The following ITGA11 variants were observed in gnomAD, a reference collection of about 807,000 sequenced individuals.
ITGA11 encodes integrin alpha-11.
A neutral mutation model predicts 141.9 loss-of-function variants in ITGA11; 97 were observed. The ratio of observed to expected loss-of-function variants is 0.68; its 90% CI spans 0.58 to 0.81. The LOEUF is 0.81. ITGA11 is among the 30% of genes least tolerant of loss of function. ITGA11 has a pLI of 0.00. For missense variants in ITGA11, 1,387 were observed against 1,559.2 expected, an observed-to-expected ratio of 0.89 and a Z score of 1.86; for synonymous variants, 658 against 624.6, an observed-to-expected ratio of 1.05 and a Z score of -0.80.
intron 2 of ITGA11, among the ~76,000 whole-genome samples, chr15:68,401,742 G>A (rs1437017584): frequency 1.3e-5 from 2 of 152,126 alleles, no homozygotes; most frequent in African/African-American, 4.8e-5. Flanking sequence ...AGCTGGAAAT[G>A]GTGGATATAT....
intron 10 of ITGA11, chr15:68,340,960 T>C (rs927724427): frequency 6.6e-6 from 1 of 152,158 alleles, no homozygotes; most frequent in African/African-American, 2.4e-5. Flanking sequence ...GCTTTGGGCT[T>C]TCAAAACACA....
intron 11 of ITGA11, among the ~76,000 whole-genome samples, chr15:68,337,350 G>A (rs938520134): frequency 2.0e-5 from 3 of 152,102 alleles, no homozygotes; most frequent in Admixed American, 6.5e-5. Flanking sequence ...GAAAGGGTAG[G>A]ACCATGGCCC....
intron 1 of ITGA11, among the ~76,000 whole-genome samples, chr15:68,419,884 T>C (rs1206612505): frequency 2.6e-5 from 4 of 152,200 alleles, no homozygotes; most frequent in Non-Finnish European, 5.9e-5. Context: ...CTAAGTTACT[T>C]AACTTCTATG....
Position 68,407,374 on chromosome 15 carries a change from C to T in ITGA11, c.53-4345G>A, listed in dbSNP as rs901085081. Among the ~76,000 whole-genome samples the T allele has an allele frequency of 3.1e-4, 47 of 152,310 alleles. 1 individual carries two copies. The highest frequency in any genetic ancestry group is 1.9e-3 in the Admixed American group (29 of 15,304). On this transcript the variant is annotated intron_variant, in intron 1 of 29. Transcript: ENST00000315757. ...AGTTGGCGTTTGCTTCTGACCAAACCGAACCAACCAGAGAGTGGATTTCCT... is the reference window on the plus strand; with the variant it reads ...AGTTGGCGTTTGCTTCTGACCAAACTGAACCAACCAGAGAGTGGATTTCCT...
At chr15:68,353,105 C>A (rs1894965065) in intron 7 of ITGA11, among the ~76,000 whole-genome samples, 1 of 152,242 alleles carries the variant, frequency 6.6e-6, no homozygotes, top group Non-Finnish European at 1.5e-5. Context: ...GGTTAAAGAG[C>A]CACACGGCTT....
intron 10 of ITGA11, among the ~76,000 whole-genome samples, chr15:68,342,626 C>A (rs1489221713): frequency 6.6e-6 from 1 of 152,202 alleles, no homozygotes; most frequent in Non-Finnish European, 1.5e-5. Flanking sequence ...CTCTCAAAGC[C>A]CTGTGTTCCG....
At chr15:68,426,486 G>A (rs1186325288) in intron 1 of ITGA11, among the ~76,000 whole-genome samples, 2 of 152,242 alleles carry the variant, frequency 1.3e-5, no homozygotes, top group South Asian at 2.1e-4. Flanking sequence ...AGGGAGAGAC[G>A]TTCTCACATA....
intron 1 of ITGA11, among the ~76,000 whole-genome samples, chr15:68,416,153 G>A (rs1440716695): frequency 6.6e-6 from 1 of 152,216 alleles, no homozygotes; most frequent in Admixed American, 6.5e-5. Flanking sequence ...TTGTATGGTA[G>A]ATAAACTAAT....
At chr15:68,427,477 C>T (rs955974186) in intron 1 of ITGA11, among the ~76,000 whole-genome samples, 4 of 151,982 alleles carry the variant, frequency 2.6e-5, no homozygotes, top group African/African-American at 4.8e-5. Context: ...ATGCACATGC[C>T]AATTATTTCT....
In ITGA11 at chr15:68,322,403, G is replaced by A. The variant is rs1275267942; in HGVS notation, c.2323-900C>T. Among the ~76,000 whole-genome samples, 5 of 152,110 alleles carry A rather than the reference G, an allele frequency of 3.3e-5. No homozygotes were observed. Among genetic ancestry groups the A allele is most frequent in the African/African-American group, 4.8e-5 (2 of 41,412 alleles). On this transcript the variant is annotated intron_variant, in intron 18 of 29. Coordinates refer to ENST00000315757, the MANE Select transcript of ITGA11 (RefSeq NM_001004439.2). This position sits in a 1 kb window ranked among gnomAD's most constrained non-coding sequence, Gnocchi z 5.6. ...CCACAACATTCGGGCAAGAGATGAC[G>A]CTGGTGTCGGTGTGGTAGTGGGCAT...
At position 68,302,055 on chromosome 15, in the gene ITGA11, AGTGTGTGTGTGTGTGTGT is replaced by A. The variant is rs3084584; in HGVS notation, c.*986_*1003del. ...CGGGCATGAGGGAAGGATGGGAGGC[AGTGTGTGTGTGTGTGTGT>A]GTGTGTGTGTGTGTGTGTGTGTGTG... On this transcript the variant is annotated 3_prime_UTR_variant, in exon 30 of 30. Coordinates refer to ENST00000315757, the MANE Select transcript of ITGA11 (RefSeq NM_001004439.2). 467 of 103,876 alleles carry A rather than the reference AGTGTGTGTGTGTGTGTGT, an allele frequency of 4.5e-3. 2 individuals are homozygous for A. The highest frequency in any genetic ancestry group is 0.013 in the South Asian group (25 of 1,940). 6.4% of individuals were successfully genotyped at this position (103,876 alleles called of 1,614,324 possible). A position where few individuals can be genotyped will look rare whatever the true frequency, so the allele number is the denominator to read the frequency against.
chr15:68,368,375 C>T (rs1436749094), intron 3 of ITGA11, among the ~76,000 whole-genome samples: 1 of 152,258 alleles, frequency 6.6e-6, no homozygotes, highest in Non-Finnish European at 1.5e-5. Context: ...GACCCAGCTG[C>T]TGTCTGACCT....
intron 23 of ITGA11, 148 bp from the exon 24 acceptor site, chr15:68,313,011 G>T: frequency 1.6e-6 from 1 of 615,596 alleles, no homozygotes; most frequent in South Asian, 1.9e-5. Context: ...TGAGTGTCAT[G>T]TTGGAAGGAT....
At position 68,332,060 on chromosome 15, in the gene ITGA11, GTT is replaced by G; in HGVS notation, c.1567_1568del (p.Asn523ProfsTer5). On this transcript the variant is annotated frameshift_variant and splice_region_variant, in exon 14 of 30. Transcript: ENST00000315757. LOFTEE classifies it high-confidence loss of function. ...GKVYVYELRQ[N>X]LFVYNGTLKD... ...TTAGCGTTCCGTTATAAACAAACAGGTTCTGCAAAACCAGGGGCAGAAAAAGG... is the reference window on the plus strand; with the variant it reads ...TTAGCGTTCCGTTATAAACAAACAGGCTGCAAAACCAGGGGCAGAAAAAGG... 6.3e-7 allele frequency: 1 copy of G among 1,589,436 alleles called. No individual in the cohort carries two copies.
At chr15:68,327,272 A>G (rs553158824) in intron 16 of ITGA11, among the ~76,000 whole-genome samples, 2 of 152,242 alleles carry the variant, frequency 1.3e-5, no homozygotes, top group Non-Finnish European at 2.9e-5. Flanking sequence ...CTCTGACTCT[A>G]TTCTGGGGCA....
chr15:68,387,907 G>A lies in ITGA11; in HGVS notation c.164+15011C>T, dbSNP rs562978952. 3.3e-5 allele frequency among the ~76,000 whole-genome samples: 5 copies of A among 152,042 alleles called. 1 individual carries two copies. In the South Asian group the frequency reaches 1.0e-3, roughly 32 times the overall value. On this transcript the variant is annotated intron_variant, in intron 2 of 29. Transcript: ENST00000315757. ...CTCCTTCCTCCTCATACCTATGGAC[G>A]TTCTGCAGTCTGTCGTTCATCCCAA...
Position 68,357,264 on chromosome 15 carries a change from A to T in ITGA11, c.636T>A (p.His212Gln). The change falls in exon 7 of 30, where the codon CAT becomes CAA. Residue 212 changes from histidine to glutamine, a missense_variant. Physicochemically the swap from His to Gln is conservative, Grantham distance 24. Transcript: ENST00000315757. ...GVVQYGEDVV[H>Q]EFHLNDYRSV... Reference sequence around the variant, plus strand: ...ACCTGTAGTCGTTGAGGTGAAACTCATGCACCACATCTTCGCCATACTGCA... The same window carrying T: ...ACCTGTAGTCGTTGAGGTGAAACTCTTGCACCACATCTTCGCCATACTGCA... 1 of 1,613,826 alleles carries T rather than the reference A, an allele frequency of 6.2e-7. No individual in the cohort carries two copies. The highest frequency in any genetic ancestry group is 8.5e-7 in the Non-Finnish European group (1 of 1,179,842).
chr15:68,296,949 T>A lies in ITGA11; in HGVS notation c.*6110A>T, dbSNP rs989311486. 2.0e-5 allele frequency: 3 copies of A among 152,154 alleles called. No homozygotes were observed. Among genetic ancestry groups the A allele is most frequent in the Non-Finnish European group, 4.4e-5 (3 of 68,058 alleles). 9.4% of individuals were successfully genotyped at this position (152,154 alleles called of 1,614,324 possible). ...TATAATTTGTTTGGTTTTTGTTTGT[T>A]TGTTTTTTGAGACAGGGTTTCATTC... On this transcript the variant is annotated 3_prime_UTR_variant, in exon 30 of 30. Transcript: ENST00000315757.
rs1894038694 is a variant in ITGA11, at chr15:68,328,112, G to A, written c.2052C>T (p.Phe684=). 1 of 1,613,604 alleles carries A rather than the reference G, an allele frequency of 6.2e-7. No homozygotes were observed. Among genetic ancestry groups the A allele is most frequent in the African/African-American group, 1.3e-5 (1 of 74,936 alleles). Reference sequence around the variant, plus strand: ...CTGCTTTACCAACAGTTGTTGTTTGGAAATGGGGTGCCAGGAAGATGGGCG... The same window carrying A: ...CTGCTTTACCAACAGTTGTTGTTTGAAAATGGGGTGCCAGGAAGATGGGCG... ...CFTPIFLAPH[F]QTTTVGIRYN... The change falls in exon 16 of 30, where the codon TTC becomes TTT. Residue 684 remains phenylalanine (F), a synonymous_variant. Coordinates refer to ENST00000315757, the MANE Select transcript of ITGA11 (RefSeq NM_001004439.2). This position sits in a 1 kb window ranked among gnomAD's most constrained non-coding sequence, Gnocchi z 4.8.
Sources: allele counts gnomAD v4.1 joint callset (sites outside exome capture counted in the v4.1 genomes callset), GRCh38; gene constraint gnomAD v4.1.1; non-coding constraint Gnocchi (gnomAD v3.1); transcripts MANE v1.5; gene names NCBI Gene and HGNC (gene_info 2026-07-23, HGNC 2026-07-21).